Variants in PER2 observed in about 807,000 individuals in gnomAD.
PER2 encodes the protein period circadian regulator 2.
Under a neutral mutation model 121.0 loss-of-function variants are expected in PER2, and 66 were observed. That is an observed-to-expected ratio of 0.55 (90% CI 0.45 to 0.67). The LOEUF (loss-of-function observed/expected upper bound fraction) is 0.67, where lower values mean the gene tolerates loss of function less well. PER2 is among the 30% of genes least tolerant of loss of function. PER2 has a pLI of 0.00. For synonymous variants in PER2, 684 were observed against 659.9 expected (o/e 1.04, Z -0.56); for missense variants, 1,521 against 1,635.0 (o/e 0.93, Z 1.20).
chr2:238,258,269 T>C lies in PER2; in HGVS notation c.1900+7A>G. 6.2e-7 allele frequency: 1 copy of C among 1,614,138 alleles called. No homozygotes were observed. The highest frequency in any genetic ancestry group is 8.5e-7 in the Non-Finnish European group (1 of 1,179,968). On this transcript the variant is annotated splice_region_variant and intron_variant, in intron 16 of 22. Coordinates refer to ENST00000254657, the MANE Select transcript of PER2 (RefSeq NM_022817.3). Reference sequence around the variant, plus strand: ...CACATGTACATGGCTCTACACAGATTAGATACCTCCAGCGTGTGGCCCTGG... The same window carrying C: ...CACATGTACATGGCTCTACACAGATCAGATACCTCCAGCGTGTGGCCCTGG...
chr2:238,296,085 C>CACGGACACGGGCAGACATTCCCGGGCACT, the PER2 span, among the ~76,000 whole-genome samples: 5 of 52,868 alleles, frequency 9.5e-5, no homozygotes, highest in African/African-American at 8.0e-5. Context: ...GTGTGCCCTC[C>CACGGACACGGGCAGACATTCCCGGGCACT]TGCTGCAGAG....
chr2:238,288,940 A>G (rs755010345), upstream of PER2, among the ~76,000 whole-genome samples: 1 of 152,160 alleles, frequency 6.6e-6, no homozygotes, highest in Non-Finnish European at 1.5e-5. Flanking sequence ...TTTACATAAG[A>G]CGCACATGGA....
chr2:238,250,267 C>T (rs1695561955), intron 21 of PER2, among the ~76,000 whole-genome samples: 1 of 152,258 alleles, frequency 6.6e-6, no homozygotes, highest in Admixed American at 6.5e-5. Flanking sequence ...GAAAATTGAG[C>T]ATGGCACTGT....
chr2:238,296,083 T>TGTGACCA, the PER2 span, among the ~76,000 whole-genome samples: 1 of 57,176 alleles, frequency 1.7e-5, no homozygotes, highest in Non-Finnish European at 3.5e-5. Context: ...TCGTGTGCCC[T>TGTGACCA]CCTGCTGCAG....
rs745381476 is a variant in PER2, at chr2:238,268,245, C to T, written c.825-47G>A. The stretch of plus-strand genomic sequence containing the variant: ...TAAGTTGGGAACTGTGACACAGGAA[C>T]AGTCCCCTGTTCTGTTCCCTCCTCA... On this transcript the variant is annotated intron_variant, in intron 7 of 22. Transcript: ENST00000254657. This position sits in a 1 kb window ranked among gnomAD's most constrained non-coding sequence, Gnocchi z 4.0. The T allele has an allele frequency of 3.1e-6, 5 of 1,598,538 alleles. No homozygotes were observed. Among genetic ancestry groups the T allele is most frequent in the East Asian group, 4.5e-5 (2 of 44,768 alleles).
Position 238,268,485 on chromosome 2 carries a change from G to A in PER2, c.825-287C>T, listed in dbSNP as rs567050714. On this transcript the variant is annotated intron_variant, in intron 7 of 22. Coordinates refer to ENST00000254657, the MANE Select transcript of PER2 (RefSeq NM_022817.3). The surrounding 1 kb of genome is among the most constrained non-coding windows in gnomAD (Gnocchi z 4.0). The stretch of plus-strand genomic sequence containing the variant: ...GGTGCTGCTCCCGCCAGGGGTCCTC[G>A]GCCCTGACTCCTGAGGGTGCCAGGG... Among the ~76,000 whole-genome samples, 7 of 152,308 alleles carry A rather than the reference G, an allele frequency of 4.6e-5. No homozygotes were observed. Among genetic ancestry groups the A allele is most frequent in the East Asian group, 1.9e-4 (1 of 5,172 alleles).
In PER2 at chr2:238,244,824, T is replaced by G. The variant is rs1695401801; in HGVS notation, c.*1551A>C. On this transcript the variant is annotated 3_prime_UTR_variant, in exon 23 of 23. Transcript: ENST00000254657. ...ACTTTGGGAGGCCGAGGTGGGTGGA[T>G]CGCTTGAGGTCAGGAGTTCGAGACC... is the stretch of plus-strand genomic sequence containing the variant. The G allele has an allele frequency of 1.3e-5, 2 of 151,594 alleles. No individual in the cohort carries two copies. Among genetic ancestry groups the G allele is most frequent in the Non-Finnish European group, 2.9e-5 (2 of 67,872 alleles). The allele number at this position is 151,594 out of a possible 1,614,324, so 9.4% of individuals were successfully genotyped here.
At chr2:238,255,482 C>G in intron 18 of PER2, 175 bp downstream of exon 18, 1 of 714,354 alleles carries the variant, frequency 1.4e-6, no homozygotes. Flanking sequence ...GAGAGCACCC[C>G]CCCGGTGGGA....
chr2:238,279,942 A>C (rs988322737), intron 1 of PER2, among the ~76,000 whole-genome samples: 2 of 152,208 alleles, frequency 1.3e-5, no homozygotes, highest in African/African-American at 4.8e-5. Flanking sequence ...CGGCCATGGA[A>C]GGCCCAAGCC....
At chr2:238,291,058 A>G (rs2106338949), upstream of PER2, among the ~76,000 whole-genome samples, 1 of 152,320 alleles carries the variant, frequency 6.6e-6, no homozygotes, top group South Asian at 2.1e-4. Flanking sequence ...GCCAGCTGTC[A>G]CCTCCAGCAC....
rs561606385 is a variant in PER2, at chr2:238,252,544, C to G, written c.3111+368G>C. ...CTTCACCGGGGCCACCTGAGCCAGG[C>G]TCCGGCGCCACACCCTGAGGAGCCC... On this transcript the variant is annotated intron_variant, in intron 19 of 22. Transcript: ENST00000254657. This position sits in a 1 kb window ranked among gnomAD's most constrained non-coding sequence, Gnocchi z 4.2. Among the ~76,000 whole-genome samples the G allele has an allele frequency of 6.6e-6, 1 of 152,220 alleles. No individual in the cohort carries two copies. The highest frequency in any genetic ancestry group is 1.5e-5 in the Non-Finnish European group (1 of 68,036).
At chr2:238,261,362 C>T (rs1393554579) in intron 12 of PER2, 2 of 382,354 alleles carry the variant, frequency 5.2e-6, no homozygotes, top group African/African-American at 2.0e-5. Context: ...TTTTAGGGAC[C>T]TTGAGTACAA....
rs900256109 is a variant in PER2, at chr2:238,265,508, G to A, written c.1046+4C>T. 8.8e-6 allele frequency: 14 copies of A among 1,594,836 alleles called. No homozygotes were observed. Among genetic ancestry groups the A allele is most frequent in the Non-Finnish European group, 1.2e-5 (14 of 1,162,380 alleles). ...GAAAAAGGGGGTGGGTCAAGACCAC[G>A]TACCTTTCATCCACATCCTGGAACA... On this transcript the variant is annotated splice_donor_region_variant and intron_variant, in intron 9 of 22. Transcript: ENST00000254657.
chr2:238,263,103 TGAG>T (rs756768076), intron 9 of PER2, 45 bp from the exon 10 acceptor site: 150 of 1,120,738 alleles, frequency 1.3e-4, no homozygotes, highest in Non-Finnish European at 1.6e-4. Context: ...TCCAAACAGA[TGAG>T]GAGATTGTCA....
chr2:238,251,097 C>T (rs887012597), intron 20 of PER2, among the ~76,000 whole-genome samples: 6 of 152,244 alleles, frequency 3.9e-5, no homozygotes, highest in African/African-American at 1.4e-4. Context: ...TGGCCTGGAG[C>T]GCTCCCTAGC....
At position 238,252,821 on chromosome 2, in the gene PER2, ACCC is replaced by A; in HGVS notation, c.3111+88_3111+90del. The stretch of plus-strand genomic sequence containing the variant: ...GTTTGGTGGAAACCTCAATCGTGTA[ACCC>A]CCATGTCTGAACTGAGGATGTGCGG... On this transcript the variant is annotated intron_variant, in intron 19 of 22. Transcript: ENST00000254657. This position sits in a 1 kb window ranked among gnomAD's most constrained non-coding sequence, Gnocchi z 4.2. 8.1e-6 allele frequency: 9 copies of A among 1,114,872 alleles called. No individual in the cohort carries two copies. The highest frequency in any genetic ancestry group is 1.2e-5 in the Non-Finnish European group (9 of 734,142). 69.1% of individuals were successfully genotyped at this position (1,114,872 alleles called of 1,614,324 possible). A position where few individuals can be genotyped will look rare whatever the true frequency, so the allele number is the denominator to read the frequency against.
intron 1 of PER2, among the ~76,000 whole-genome samples, chr2:238,278,308 C>G (rs1005121208): frequency 6.6e-6 from 1 of 152,126 alleles, no homozygotes; most frequent in Non-Finnish European, 1.5e-5. Flanking sequence ...TGAAGTCAAG[C>G]GATCTGCCCG....
rs748039327 is a variant in PER2, at chr2:238,246,473, C to T, written c.3670G>A (p.Glu1224Lys). The T allele has an allele frequency of 3.8e-6, 6 of 1,592,328 alleles. No individual in the cohort carries two copies. The highest frequency in any genetic ancestry group is 2.2e-5 in the East Asian group (1 of 44,760). ...AGTCCCAGAGAAGGAATATCTTCCTCATATGGTATGCAAATATTACCTTTT... is the reference window on the plus strand; with the variant it reads ...AGTCCCAGAGAAGGAATATCTTCCTTATATGGTATGCAAATATTACCTTTT... ...KEKGNICIPY[E>K]EDIPSLGLSE... Residue 1224 changes from glutamate to lysine, a missense_variant, in exon 23 of 23, where the codon GAG (glutamate) becomes AAG (lysine). Glu to Lys is a moderately conservative substitution (Grantham distance 56, BLOSUM62 1). Transcript: ENST00000254657.
At chr2:238,261,051 G>A (rs1695912625) in intron 12 of PER2, 98 bp from the exon 13 acceptor site, 3 of 1,434,916 alleles carry the variant, frequency 2.1e-6, no homozygotes, top group African/African-American at 2.8e-5. Flanking sequence ...AGAGGATGGC[G>A]ACCCGCCTAA....
Sources: allele counts gnomAD v4.1 joint callset (sites outside exome capture counted in the v4.1 genomes callset), GRCh38; gene constraint gnomAD v4.1.1; non-coding constraint Gnocchi (gnomAD v3.1); transcripts MANE v1.5; gene names NCBI Gene and HGNC (gene_info 2026-07-23, HGNC 2026-07-21).